GPC5: variants seen among roughly 807,000 people sequenced by gnomAD.
GPC5 encodes glypican 5.
Under a neutral mutation model 53.9 loss-of-function variants are expected in GPC5, and 47 were observed. The observed-to-expected ratio is 0.87, with a 90% CI of 0.69 to 1.11. The LOEUF (loss-of-function observed/expected upper bound fraction) is 1.11. GPC5 is among the 50% of genes most tolerant of loss of function. GPC5 has a pLI of 0.00. For synonymous variants in GPC5, 286 were observed against 263.3 expected (o/e 1.09, Z -0.84); for missense variants, 748 against 713.1 (o/e 1.05, Z -0.56).
intron 7 of GPC5, among the ~76,000 whole-genome samples, chr13:92,646,024 T>C (rs1885755394): frequency 6.6e-6 from 1 of 152,076 alleles, no homozygotes; most frequent in Admixed American, 6.5e-5. Flanking sequence ...TTCTTAATTT[T>C]CATAAAGTCC....
chr13:92,224,506 C>T (rs771271044), intron 7 of GPC5, among the ~76,000 whole-genome samples: 5 of 152,222 alleles, frequency 3.3e-5, no homozygotes, highest in Non-Finnish European at 5.9e-5. Flanking sequence ...CTGGCCCTTG[C>T]CTGTCTTCTG....
intron 2 of GPC5, among the ~76,000 whole-genome samples, chr13:91,563,025 A>G (rs1195064736): frequency 6.6e-6 from 1 of 152,144 alleles, no homozygotes; most frequent in African/African-American, 2.4e-5. Flanking sequence ...ACTATCATTT[A>G]CTATCCTGAA....
At chr13:92,010,918 A>G (rs1035753862) in intron 6 of GPC5, among the ~76,000 whole-genome samples, 4 of 152,228 alleles carry the variant, frequency 2.6e-5, no homozygotes, top group African/African-American at 9.6e-5. Flanking sequence ...ACTAATACAA[A>G]CTATAAGACA....
intron 6 of GPC5, among the ~76,000 whole-genome samples, chr13:91,954,841 A>G (rs2040058840): frequency 6.6e-6 from 1 of 152,152 alleles, no homozygotes; most frequent in Non-Finnish European, 1.5e-5. Flanking sequence ...TATCTGTAAA[A>G]TCCCTAAAAT....
intron 2 of GPC5, among the ~76,000 whole-genome samples, chr13:91,475,885 C>T (rs924111229): frequency 1.3e-5 from 2 of 152,136 alleles, no homozygotes; most frequent in Admixed American, 1.3e-4. Flanking sequence ...CTAGAGAATG[C>T]AGAGTCAGTG....
intron 7 of GPC5, among the ~76,000 whole-genome samples, chr13:92,283,313 G>C (rs768381387): frequency 5.3e-5 from 8 of 152,116 alleles, no homozygotes; most frequent in Non-Finnish European, 1.2e-4. Context: ...ACACCCCACT[G>C]TCAACATGAG....
chr13:92,486,499 T>TA (rs796278365), intron 7 of GPC5, among the ~76,000 whole-genome samples: 1 of 152,304 alleles, frequency 6.6e-6, no homozygotes, highest in South Asian at 2.1e-4. Context: ...TCCAACTCCT[T>TA]AAAAAATACT....
chr13:92,013,943 G>A (rs914611804), intron 6 of GPC5, among the ~76,000 whole-genome samples: 7 of 151,984 alleles, frequency 4.6e-5, no homozygotes, highest in Non-Finnish European at 7.4e-5. Context: ...GCCACCTTTT[G>A]CCATCAATTT....
chr13:92,022,497 T>A (rs559112555), intron 6 of GPC5, among the ~76,000 whole-genome samples: 106 of 152,214 alleles, frequency 7.0e-4, no homozygotes, highest in Non-Finnish European at 1.4e-3. Context: ...CATCTCTGTA[T>A]GCCTGTGAAA....
intron 5 of GPC5, among the ~76,000 whole-genome samples, chr13:91,850,884 G>T (rs1260340096): frequency 2.0e-5 from 3 of 152,054 alleles, no homozygotes; most frequent in Admixed American, 1.3e-4. Flanking sequence ...CTTATTAACT[G>T]TTAACAATTT....
chr13:91,581,195 T>A (rs2032347224), intron 2 of GPC5, among the ~76,000 whole-genome samples: 1 of 152,200 alleles, frequency 6.6e-6, no homozygotes, highest in South Asian at 2.1e-4. Context: ...AAACCATATC[T>A]TTACATATGT....
intron 7 of GPC5, among the ~76,000 whole-genome samples, chr13:92,520,787 C>A (rs970812008): frequency 6.6e-6 from 1 of 151,924 alleles, no homozygotes; most frequent in Admixed American, 6.6e-5. Context: ...CCAGGCCAAT[C>A]AAGCAGGACA....
intron 5 of GPC5, among the ~76,000 whole-genome samples, chr13:91,863,726 T>C (rs1242679108): frequency 6.6e-6 from 1 of 152,206 alleles, no homozygotes; most frequent in African/African-American, 2.4e-5. Flanking sequence ...TTATGGTTAA[T>C]ATCTGAGAGG....
rs566196031 is a variant in GPC5, at chr13:91,972,985, C to G, written c.1401+64928C>G. Among the ~76,000 whole-genome samples, 168 of 152,234 alleles carry G rather than the reference C, an allele frequency of 1.1e-3. 2 individuals are homozygous for G. Among genetic ancestry groups the G allele is most frequent in the African/African-American group, 3.9e-3 (160 of 41,530 alleles). ...TCGAGGAGTATCTTTGTGGCGTTCT[C>G]TGTATTTCCTGAATCTGAATGTTGG... On this transcript the variant is annotated intron_variant, in intron 6 of 7. Transcript: ENST00000377067.
At chr13:91,750,600 A>C (rs888392207) in intron 4 of GPC5, among the ~76,000 whole-genome samples, 3 of 150,940 alleles carry the variant, frequency 2.0e-5, no homozygotes, top group African/African-American at 7.3e-5. Context: ...TAGCTTGAGC[A>C]TTGAGCTGGC....
Position 91,634,258 on chromosome 13 carries a change from G to T in GPC5, c.326-58929G>T, listed in dbSNP as rs369517809. ...CTTCAGTAAATATAAAATATGTTGG[G>T]TATTAAGTGGAAAAAGAAAAATACA... On this transcript the variant is annotated intron_variant, in intron 2 of 7. Transcript: ENST00000377067. Among the ~76,000 whole-genome samples the T allele has an allele frequency of 3.3e-5, 5 of 152,032 alleles. No individual in the cohort carries two copies. In the East Asian group the frequency reaches 5.8e-4, roughly 18 times the overall value.
chr13:91,808,563 G>T, intron 5 of GPC5, among the ~76,000 whole-genome samples: 1 of 152,152 alleles, frequency 6.6e-6, no homozygotes, highest in Non-Finnish European at 1.5e-5. Context: ...GACAGAGAAA[G>T]CACAGTGAAC....
At chr13:92,563,871 C>T (rs1478472608) in intron 7 of GPC5, among the ~76,000 whole-genome samples, 1 of 151,952 alleles carries the variant, frequency 6.6e-6, no homozygotes, top group East Asian at 1.9e-4. Flanking sequence ...TTCATTTATG[C>T]AACATATCAC....
At chr13:92,162,127 CT>C (rs1367654291) in intron 7 of GPC5, among the ~76,000 whole-genome samples, 1 of 150,020 alleles carries the variant, frequency 6.7e-6, no homozygotes, top group Non-Finnish European at 1.5e-5. Context: ...TGTTTTTTCC[CT>C]GAAGTCTAAA....
Sources: gnomAD v4.1 joint callset for allele counts (sites outside exome capture counted in the v4.1 genomes callset) on GRCh38, gnomAD v4.1.1 for gene constraint, MANE v1.5 for transcripts, NCBI Gene and HGNC (gene_info 2026-07-23, HGNC 2026-07-21) for gene names.